The following DCAF17 variants were observed in gnomAD, a reference collection of about 807,000 sequenced individuals.
The protein encoded by DCAF17 is DDB1 and CUL4 associated factor 17.
DCAF17 carries 48 observed loss-of-function variants against 66.0 expected under a neutral mutation model. The observed-to-expected ratio is 0.73, with a 90% CI of 0.58 to 0.92. DCAF17 has a LOEUF of 0.92. Ranked by LOEUF, DCAF17 falls within the 40% of genes least tolerant of loss-of-function variation. The pLI, the probability that DCAF17 is intolerant of heterozygous loss-of-function variation, is 0.00. For synonymous variants in DCAF17, 206 were observed against 214.6 expected, an observed-to-expected ratio of 0.96 and a Z score of 0.35; for missense variants, 562 against 622.8, an observed-to-expected ratio of 0.90 and a Z score of 1.04.
intron 2 of DCAF17, among the ~76,000 whole-genome samples, chr2:171,438,267 A>T (rs1157834007): frequency 6.6e-6 from 1 of 152,216 alleles, no homozygotes; most frequent in Non-Finnish European, 1.5e-5. Context: ...GGTGTCTTTT[A>T]TGGCTCAGAA....
intron 7 of DCAF17, 132 bp downstream of exon 7, chr2:171,458,207 G>A: frequency 9.5e-7 from 1 of 1,054,894 alleles, no homozygotes; most frequent in Non-Finnish European, 1.4e-6. Context: ...CTGTAGAAAT[G>A]TAGAAGACAA....
chr2:171,482,610 T>G lies in DCAF17; in HGVS notation c.*1496T>G, dbSNP rs1448520427. On this transcript the variant is annotated 3_prime_UTR_variant, in exon 14 of 14. Transcript: ENST00000375255. ...TGCTGTGTAAAAGTAGAGTGTTCAT[T>G]CTCCATTTCCAAGAGTGTTTCAGAA... The G allele has an allele frequency of 2.2e-6, 1 of 454,072 alleles. No individual in the cohort carries two copies. Among genetic ancestry groups the G allele is most frequent in the Admixed American group, 2.3e-5 (1 of 42,566 alleles). The allele number at this position is 454,072 out of a possible 1,614,324, so 28.1% of individuals were successfully genotyped here. A position where few individuals can be genotyped will look rare whatever the true frequency, so the allele number is the denominator to read the frequency against.
At chr2:171,444,208 T>C (rs1428566942) in intron 3 of DCAF17, among the ~76,000 whole-genome samples, 6 of 152,074 alleles carry the variant, frequency 3.9e-5, no homozygotes, top group Non-Finnish European at 7.4e-5. Flanking sequence ...CTCAGAGCCT[T>C]TACTAATAAT....
chr2:171,436,964 G>A (rs1404815178), intron 2 of DCAF17, among the ~76,000 whole-genome samples: 3 of 151,918 alleles, frequency 2.0e-5, no homozygotes, highest in African/African-American at 7.3e-5. Flanking sequence ...GGTAGAGACC[G>A]GGTTTCTCCA....
At chr2:171,479,799 A>C (rs550217470) in intron 12 of DCAF17, 6 of 458,064 alleles carry the variant, frequency 1.3e-5, no homozygotes, top group East Asian at 1.3e-4. Context: ...TGAGATCTAC[A>C]TAGACTTGGT....
chr2:171,461,119 GTGCAAAAGCAGTTCCTT>G, intron 8 of DCAF17, among the ~76,000 whole-genome samples: 1 of 151,996 alleles, frequency 6.6e-6, no homozygotes, highest in Non-Finnish European at 1.5e-5. Flanking sequence ...TTTTTTCTTA[GTGCAAAAGCAGTTCCTT>G]TGCATTATTT....
intron 9 of DCAF17, among the ~76,000 whole-genome samples, chr2:171,470,809 G>A (rs1173004449): frequency 4.0e-5 from 6 of 151,846 alleles, no homozygotes; most frequent in Admixed American, 6.6e-5. Flanking sequence ...ACAAACACAC[G>A]CACACGTACA....
chr2:171,474,090 G>T, intron 10 of DCAF17, 115 bp downstream of exon 10: 1 of 820,898 alleles, frequency 1.2e-6, no homozygotes, highest in Non-Finnish European at 2.1e-6. Context: ...TTAGCTTGTT[G>T]TTGGGTGCTT....
In DCAF17 at chr2:171,482,909, A is replaced by G. The variant is rs768866544; in HGVS notation, c.*1795A>G. Reference sequence around the variant, plus strand: ...CTAACTAGACCAGGGTCCAAATGCCATCCAGGCCAGGCAGGAAATATACCT... The same window carrying G: ...CTAACTAGACCAGGGTCCAAATGCCGTCCAGGCCAGGCAGGAAATATACCT... On this transcript the variant is annotated 3_prime_UTR_variant, in exon 14 of 14. Transcript: ENST00000375255. The G allele has an allele frequency of 4.4e-6, 2 of 453,964 alleles. No homozygotes were observed. Among genetic ancestry groups the G allele is most frequent in the African/African-American group, 2.0e-5 (1 of 49,998 alleles). 28.1% of individuals were successfully genotyped at this position (453,964 alleles called of 1,614,324 possible).
At chr2:171,477,651 G>A (rs1286857858) in intron 11 of DCAF17, among the ~76,000 whole-genome samples, 1 of 152,146 alleles carries the variant, frequency 6.6e-6, no homozygotes, top group East Asian at 1.9e-4. Context: ...AATTAGCCAG[G>A]CATGGTGGTG....
At chr2:171,444,601 C>G (rs1181409634) in intron 3 of DCAF17, among the ~76,000 whole-genome samples, 1 of 152,194 alleles carries the variant, frequency 6.6e-6, no homozygotes, top group Non-Finnish European at 1.5e-5. Flanking sequence ...TGAAACACTT[C>G]TAGTCCCAAG....
intron 5 of DCAF17, among the ~76,000 whole-genome samples, chr2:171,450,846 T>C (rs1024859532): frequency 3.3e-5 from 5 of 152,136 alleles, no homozygotes; most frequent in African/African-American, 1.2e-4. Context: ...ACTTTTATCA[T>C]CCCATTTTAC....
intron 2 of DCAF17, among the ~76,000 whole-genome samples, chr2:171,436,329 T>G (rs1291069292): frequency 6.6e-6 from 1 of 152,222 alleles, no homozygotes; most frequent in Non-Finnish European, 1.5e-5. Flanking sequence ...TCTCCTAGAT[T>G]ATACCTAGGA....
chr2:171,460,592 G>A (rs1357444148), intron 8 of DCAF17, among the ~76,000 whole-genome samples: 1 of 151,754 alleles, frequency 6.6e-6, no homozygotes, highest in Non-Finnish European at 1.5e-5. Flanking sequence ...GTGCAGTGGA[G>A]AGATCACAGC....
intron 8 of DCAF17, among the ~76,000 whole-genome samples, chr2:171,459,004 C>A (rs1233962376): frequency 6.6e-6 from 1 of 152,116 alleles, no homozygotes; most frequent in African/African-American, 2.4e-5. Flanking sequence ...TTATGAAATT[C>A]AGTTGTTAGA....
chr2:171,464,958 G>T (rs1253933489), intron 8 of DCAF17, among the ~76,000 whole-genome samples: 2 of 152,132 alleles, frequency 1.3e-5, no homozygotes, highest in Non-Finnish European at 2.9e-5. Flanking sequence ...CACTTTGGGA[G>T]GCCAAGGCAG....
At chr2:171,469,162 A>G in intron 9 of DCAF17, 132 bp downstream of exon 9, 2 of 915,150 alleles carry the variant, frequency 2.2e-6, no homozygotes, top group Admixed American at 2.2e-5. Flanking sequence ...ACAATTTAAA[A>G]TACAGAAGAA....
At chr2:171,480,873 T>G in intron 13 of DCAF17, 101 bp from the exon 14 acceptor site, 1 of 1,401,164 alleles carries the variant, frequency 7.1e-7, no homozygotes, top group South Asian at 1.2e-5. Flanking sequence ...CTTCTAAGTG[T>G]ATGTTTGAAG....
intron 6 of DCAF17, among the ~76,000 whole-genome samples, chr2:171,454,067 G>A (rs929957264): frequency 6.6e-6 from 1 of 151,946 alleles, no homozygotes; most frequent in Non-Finnish European, 1.5e-5. Flanking sequence ...CTACTCAGAA[G>A]GCTGAGGCAG....
Sources: allele counts gnomAD v4.1 joint callset (sites outside exome capture counted in the v4.1 genomes callset), GRCh38; gene constraint gnomAD v4.1.1; transcripts MANE v1.5; gene names NCBI Gene and HGNC (gene_info 2026-07-23, HGNC 2026-07-21).